ROR2: variants seen among roughly 807,000 people sequenced by gnomAD.
The protein encoded by ROR2 is ROR family WNT receptor 2.
Under a neutral mutation model 74.9 loss-of-function variants are expected in ROR2, and 33 were observed. That is an observed-to-expected ratio of 0.44 (90% CI 0.33 to 0.59). The LOEUF (loss-of-function observed/expected upper bound fraction) is 0.59. Ranked by LOEUF, ROR2 falls within the 20% of genes least tolerant of loss-of-function variation. The probability of loss-of-function intolerance (pLI) is 0.02; values close to 1 mark genes in which losing one functional copy is unlikely to be tolerated. For missense variants in ROR2, 1,216 were observed against 1,313.8 expected, an observed-to-expected ratio of 0.93 and a Z score of 1.15; for synonymous variants, 586 against 558.7, an observed-to-expected ratio of 1.05 and a Z score of -0.69.
chr9:91,791,228 G>A (rs547445228), intron 1 of ROR2, among the ~76,000 whole-genome samples: 1 of 152,200 alleles, frequency 6.6e-6, no homozygotes, highest in African/African-American at 2.4e-5. Flanking sequence ...TATTTTTACT[G>A]TACTTTTTCT....
chr9:91,874,078 A>G (rs11794532), intron 1 of ROR2, among the ~76,000 whole-genome samples: 11,164 of 152,236 alleles, frequency 0.073, 522 homozygotes, highest in African/African-American at 0.13. Context: ...TCAGGGCATG[A>G]GAAAGTGATC....
At chr9:91,741,398 A>G (rs552224653) in intron 4 of ROR2, among the ~76,000 whole-genome samples, 2 of 151,774 alleles carry the variant, frequency 1.3e-5, no homozygotes, top group African/African-American at 4.8e-5. Flanking sequence ...GAGATCAGGG[A>G]GAAACAGAGG....
At chr9:91,741,108 T>C (rs4493962) in intron 4 of ROR2, among the ~76,000 whole-genome samples, 76,452 of 151,760 alleles carry the variant, frequency 0.5, 19,932 homozygotes, top group Admixed American at 0.59. Flanking sequence ...GAGACCATCC[T>C]GGCCAACATG....
intron 1 of ROR2, among the ~76,000 whole-genome samples, chr9:91,917,703 G>A (rs1310286765): frequency 6.6e-6 from 1 of 151,156 alleles, no homozygotes; most frequent in East Asian, 2.0e-4. Flanking sequence ...AGCTGCATAG[G>A]GGAGAGAGAT....
chr9:91,740,510 C>T lies in ROR2; in HGVS notation c.495-2992G>A, dbSNP rs192231907. Among the ~76,000 whole-genome samples the T allele has an allele frequency of 1.3e-4, 20 of 151,142 alleles. No individual in the cohort carries two copies. In the East Asian group the frequency reaches 3.9e-3, roughly 29 times the overall value. ...GAGCTTGCAGTGAGCCGAGAATACGCCACTGCACTCCAGCCTGGGTGACAA... is the reference window on the plus strand; with the variant it reads ...GAGCTTGCAGTGAGCCGAGAATACGTCACTGCACTCCAGCCTGGGTGACAA... On this transcript the variant is annotated intron_variant, in intron 4 of 8. Transcript: ENST00000375708.
At position 91,905,549 on chromosome 9, in the gene ROR2, AATACAACACATACACAAAC is replaced by A. The variant is rs1794404421; in HGVS notation, c.97+44299_97+44317del. Among the ~76,000 whole-genome samples, 1 of 151,666 alleles carries A rather than the reference AATACAACACATACACAAAC, an allele frequency of 6.6e-6. No homozygotes were observed. Among genetic ancestry groups the A allele is most frequent in the African/African-American group, 2.4e-5 (1 of 41,208 alleles). ...CACACAACCCAACATACACAGACAC[AATACAACACATACACAAAC>A]ATACAACACATACACAAACATCACA... On this transcript the variant is annotated intron_variant, in intron 1 of 8. Transcript: ENST00000375708. The surrounding 1 kb of genome is among the most constrained non-coding windows in gnomAD (Gnocchi z 5.3).
At chr9:91,898,286 T>A (rs1830589891) in intron 1 of ROR2, among the ~76,000 whole-genome samples, 1 of 152,092 alleles carries the variant, frequency 6.6e-6, no homozygotes, top group South Asian at 2.1e-4. Context: ...GAGCCCAGAG[T>A]GACGACAGCT....
At chr9:91,739,513 TAAAAAAAAA>T (rs71362359) in intron 4 of ROR2, among the ~76,000 whole-genome samples, 3 of 105,604 alleles carry the variant, frequency 2.8e-5, no homozygotes, top group African/African-American at 1.1e-4. Flanking sequence ...TCTTTAAATT[TAAAAAAAAA>T]AAAAAAAAAA....
At chr9:91,891,291 A>T (rs1357402950) in intron 1 of ROR2, among the ~76,000 whole-genome samples, 7 of 138,740 alleles carry the variant, frequency 5.0e-5, no homozygotes, top group Non-Finnish European at 7.6e-5. Context: ...ATGGAGTCTC[A>T]CTTGTCACCC....
chr9:91,737,811 AT>A (rs1825088403), intron 4 of ROR2, among the ~76,000 whole-genome samples: 1 of 152,218 alleles, frequency 6.6e-6, no homozygotes, highest in Non-Finnish European at 1.5e-5. Flanking sequence ...CTAAAAAAAA[AT>A]GAGCTATCAA....
Position 91,724,306 on chromosome 9 carries a change from T to G in ROR2, c.2188A>C (p.Asn730His). The change falls in exon 9 of 9, where the codon AAC becomes CAC. Residue 730 changes from asparagine (N) to histidine (H), a missense_variant. Coordinates refer to ENST00000375708, the MANE Select transcript of ROR2 (RefSeq NM_004560.4). ...WVYALMIECW[N>H]EFPSRRPRFK... ...CGGGGCCGCCGGCTGGGGAACTCGT[T>G]CCAGCACTCGATCATGAGGGCATAC... 6.2e-7 allele frequency: 1 copy of G among 1,613,154 alleles called. No homozygotes were observed. The highest frequency in any genetic ancestry group is 8.5e-7 in the Non-Finnish European group (1 of 1,180,010).
intron 1 of ROR2, among the ~76,000 whole-genome samples, chr9:91,884,700 G>C (rs1830222480): frequency 1.3e-5 from 2 of 151,976 alleles, no homozygotes; most frequent in Admixed American, 6.6e-5. Context: ...CCTGCGGGCT[G>C]TCATACACAT....
intron 4 of ROR2, among the ~76,000 whole-genome samples, chr9:91,740,853 C>T (rs973517493): frequency 6.6e-5 from 10 of 152,086 alleles, no homozygotes; most frequent in Non-Finnish European, 1.2e-4. Context: ...TAGACATGCT[C>T]ACCAGCTGGT....
intron 4 of ROR2, among the ~76,000 whole-genome samples, chr9:91,754,586 C>G (rs1825686417): frequency 6.6e-6 from 1 of 152,108 alleles, no homozygotes; most frequent in Admixed American, 6.6e-5. Context: ...ACTTGGCAGG[C>G]AGAGGTTGCA....
At chr9:91,762,757 T>C (rs1825953309) in intron 2 of ROR2, among the ~76,000 whole-genome samples, 1 of 152,258 alleles carries the variant, frequency 6.6e-6, no homozygotes, top group Non-Finnish European at 1.5e-5. Flanking sequence ...TGTTGGTTGA[T>C]GTGCTCCATT....
At chr9:91,834,887 C>T (rs1828566630) in intron 1 of ROR2, among the ~76,000 whole-genome samples, 3 of 152,308 alleles carry the variant, frequency 2.0e-5, no homozygotes, top group African/African-American at 7.2e-5. Context: ...ATAGCATGGG[C>T]TCTGTTCAAG....
At position 91,723,314 on chromosome 9, in the gene ROR2, T is replaced by C. The variant is rs1190035435; in HGVS notation, c.*348A>G. 1.4e-5 allele frequency: 4 copies of C among 279,764 alleles called. No individual in the cohort carries two copies. The highest frequency in any genetic ancestry group is 2.2e-5 in the African/African-American group (1 of 45,942). 17.3% of individuals were successfully genotyped at this position (279,764 alleles called of 1,614,324 possible). On this transcript the variant is annotated 3_prime_UTR_variant, in exon 9 of 9. Coordinates refer to ENST00000375708, the MANE Select transcript of ROR2 (RefSeq NM_004560.4). The stretch of plus-strand genomic sequence containing the variant: ...CCAACGTTTTGAAATATTCACTCCA[T>C]ATATGACATGGAGTGAAGCTGCCAC...
intron 1 of ROR2, among the ~76,000 whole-genome samples, chr9:91,814,430 C>T (rs776304900): frequency 1.3e-5 from 2 of 152,118 alleles, no homozygotes; most frequent in African/African-American, 2.4e-5. Flanking sequence ...ATCCATCATT[C>T]AGGTGAGACA....
At position 91,722,719 on chromosome 9, in the gene ROR2, T is replaced by A; in HGVS notation, c.*943A>T. 1 of 715,516 alleles carries A rather than the reference T, an allele frequency of 1.4e-6. No homozygotes were observed. Among genetic ancestry groups the A allele is most frequent in the Non-Finnish European group, 2.6e-6 (1 of 386,346 alleles). 44.3% of individuals were successfully genotyped at this position (715,516 alleles called of 1,614,324 possible). On this transcript the variant is annotated 3_prime_UTR_variant, in exon 9 of 9. Coordinates refer to ENST00000375708, the MANE Select transcript of ROR2 (RefSeq NM_004560.4). Reference sequence around the variant, plus strand: ...TGTGTAACAGGGGCTGTAAAATGAATGGACCTCATGTGCACGTGGTACAGA... The same window carrying A: ...TGTGTAACAGGGGCTGTAAAATGAAAGGACCTCATGTGCACGTGGTACAGA...
Sources: gnomAD v4.1 joint callset for allele counts (sites outside exome capture counted in the v4.1 genomes callset) on GRCh38, gnomAD v4.1.1 for gene constraint, Gnocchi (gnomAD v3.1) non-coding constraint, MANE v1.5 for transcripts, NCBI Gene and HGNC (gene_info 2026-07-23, HGNC 2026-07-21) for gene names.